ANGPTL3: variants seen among roughly 807,000 people sequenced by gnomAD.
The protein encoded by ANGPTL3 is angiopoietin like 3, also known as angiopoietin-related protein 3.
In ANGPTL3, 51 loss-of-function variants were observed where a neutral mutation model predicts 52.7. The ratio of observed to expected loss-of-function variants is 0.97; its 90% CI spans 0.77 to 1.22. ANGPTL3 has a LOEUF of 1.22. Among genes scored for constraint, ANGPTL3 ranks in the 50% most tolerant of loss-of-function variants. ANGPTL3 has a pLI of 0.00. For synonymous variants in ANGPTL3, 185 were observed against 179.8 expected (o/e 1.03, Z -0.23); for missense variants, 506 against 520.7 (o/e 0.97, Z 0.27).
At chr1:62,601,657 T>C in intron 3 of ANGPTL3, 112 bp from the exon 4 acceptor site, 1 of 733,070 alleles carries the variant, frequency 1.4e-6, no homozygotes, top group Non-Finnish European at 2.3e-6. Context: ...TAAACATTAC[T>C]GAAAAAATGC....
chr1:62,597,944 C>A lies in ANGPTL3; in HGVS notation c.378C>A (p.Ser126Arg). ...TTGAACTCAACTCAAAACTTGAAAG[C>A]CTCCTAGAAGAAAAAATTCTACTTC... ...MSLELNSKLESLLEEKILLQQ... is the reference protein window; with the variant it reads ...MSLELNSKLERLLEEKILLQQ... Residue 126 changes from serine to arginine, a missense_variant, in exon 1 of 7, where the codon AGC (serine) becomes AGA (arginine). Physicochemically the swap from Ser to Arg is moderately radical, Grantham distance 110. Transcript: ENST00000371129. 1 of 1,549,918 alleles carries A rather than the reference C, an allele frequency of 6.5e-7. No individual in the cohort carries two copies. Among genetic ancestry groups the A allele is most frequent in the South Asian group, 1.3e-5 (1 of 78,678 alleles).
chr1:62,603,492 G>C (rs536358900), intron 5 of ANGPTL3, among the ~76,000 whole-genome samples: 1 of 151,496 alleles, frequency 6.6e-6, no homozygotes, highest in African/African-American at 2.4e-5. Context: ...TTTCTACAAA[G>C]AAAGCATACA....
In ANGPTL3 at chr1:62,604,645, G is replaced by A. The variant is rs372985323; in HGVS notation, c.1211G>A (p.Trp404Ter). 1.5e-5 allele frequency: 24 copies of A among 1,612,992 alleles called. No homozygotes were observed. Among genetic ancestry groups the A allele is most frequent in the African/African-American group, 2.7e-5 (2 of 74,838 alleles). Residue 404 changes from tryptophan to a stop codon, truncating the protein, a stop_gained, in exon 7 of 7, where the codon TGG becomes TAG. Transcript: ENST00000371129. LOFTEE classifies it high-confidence loss of function. ...CPEGYSGGWW[W>*]HDECGENNLN... is the part of the protein sequence containing the mutation. Reference sequence around the variant, plus strand: ...CTATCTCCTTTAGGAGGCTGGTGGTGGCATGATGAGTGTGGAGAAAACAAC... The same window carrying A: ...CTATCTCCTTTAGGAGGCTGGTGGTAGCATGATGAGTGTGGAGAAAACAAC...
At position 62,597,815 on chromosome 1, in the gene ANGPTL3, T is replaced by G; in HGVS notation, c.249T>G (p.Tyr83Ter). The change falls in exon 1 of 7, where the codon TAT becomes TAG. Residue 83 changes from tyrosine (Y) to a stop codon, truncating the protein, a stop_gained. Coordinates refer to ENST00000371129, the MANE Select transcript of ANGPTL3 (RefSeq NM_014495.4). LOFTEE classifies it high-confidence loss of function. ...TCAACATATTTGATCAGTCTTTTTA[T>G]GATCTATCGCTGCAAACCAGTGAAA... ...QKLNIFDQSF[Y>*]DLSLQTSEIK... 1 of 1,613,188 alleles carries G rather than the reference T, an allele frequency of 6.2e-7. No homozygotes were observed. The highest frequency in any genetic ancestry group is 8.5e-7 in the Non-Finnish European group (1 of 1,179,508).
chr1:62,597,764 C>T lies in ANGPTL3; in HGVS notation c.198C>T (p.Gly66=), dbSNP rs779071619. 6.2e-7 allele frequency: 1 copy of T among 1,613,368 alleles called. No homozygotes were observed. The highest frequency in any genetic ancestry group is 1.1e-5 in the South Asian group (1 of 91,040). The change falls in exon 1 of 7, where the codon GGC becomes GGT. Residue 66 remains glycine (G), a synonymous_variant. Transcript: ENST00000371129. ...AAGACTTTGTCCATAAGACGAAGGGCCAAATTAATGACATATTTCAAAAAC... is the reference window on the plus strand; with the variant it reads ...AAGACTTTGTCCATAAGACGAAGGGTCAAATTAATGACATATTTCAAAAAC... ...GLKDFVHKTK[G]QINDIFQKLN...
intron 1 of ANGPTL3, 121 bp from the exon 2 acceptor site, chr1:62,598,575 G>C (rs1649634772): frequency 1.5e-6 from 1 of 673,362 alleles, no homozygotes; most frequent in Non-Finnish European, 2.7e-6. Context: ...GGAAGGAATT[G>C]CCAATATTCA....
At position 62,605,121 on chromosome 1, in the gene ANGPTL3, A is replaced by G. The variant is rs1433354956; in HGVS notation, c.*304A>G. The G allele has an allele frequency of 4.0e-6, 1 of 251,584 alleles. No individual in the cohort carries two copies. The highest frequency in any genetic ancestry group is 7.7e-6 in the Non-Finnish European group (1 of 129,652). The allele number at this position is 251,584 out of a possible 1,614,324, so 15.6% of individuals were successfully genotyped here. ...AACTTATTAAATAACTTTTCTAAATAAAAAATTTAGAGACTTTTATTTTAA... is the reference window on the plus strand; with the variant it reads ...AACTTATTAAATAACTTTTCTAAATGAAAAATTTAGAGACTTTTATTTTAA... On this transcript the variant is annotated 3_prime_UTR_variant, in exon 7 of 7. Coordinates refer to ENST00000371129, the MANE Select transcript of ANGPTL3 (RefSeq NM_014495.4).
intron 2 of ANGPTL3, among the ~76,000 whole-genome samples, chr1:62,599,346 T>C (rs1442895971): frequency 6.6e-6 from 1 of 152,028 alleles, no homozygotes. Flanking sequence ...TGGAACGCTC[T>C]TCTGCCCTGG....
In ANGPTL3 at chr1:62,604,251, A is replaced by G. The variant is rs145059351; in HGVS notation, c.1198+16A>G. 307 of 1,612,200 alleles carry G rather than the reference A, an allele frequency of 1.9e-4. 1 individual carries two copies. The African/African-American group carries it at 3.9e-3, about 20-fold the overall frequency. On this transcript the variant is annotated intron_variant, in intron 6 of 6. Transcript: ENST00000371129. ...GGTTATTCAGGTATCTTTTTCTGAT[A>G]CCAATACTTTATTTTCATATCTTCA...
At chr1:62,603,799 A>G (rs1353874409) in intron 5 of ANGPTL3, among the ~76,000 whole-genome samples, 170 bp from the exon 6 acceptor site, 1 of 151,908 alleles carries the variant, frequency 6.6e-6, no homozygotes, top group Non-Finnish European at 1.5e-5. Flanking sequence ...GCACATAGCT[A>G]TCTTCAATAA....
At position 62,604,116 on chromosome 1, in the gene ANGPTL3, T is replaced by C. The variant is rs763104631; in HGVS notation, c.1079T>C (p.Leu360Pro). Residue 360 changes from leucine to proline, a missense_variant, in exon 6 of 7, where the codon CTA becomes CCA. Leu to Pro is a moderately conservative substitution (Grantham distance 98, BLOSUM62 -3). Transcript: ENST00000371129. ...YLGNHETNYT[L>P]HLVAITGNVP... is the part of the protein sequence containing the mutation. ...GGAAATCACGAAACCAACTATACGC[T>C]ACATCTAGTTGCGATTACTGGCAAT... The C allele has an allele frequency of 2.5e-6, 4 of 1,613,394 alleles. No individual in the cohort carries two copies. The highest frequency in any genetic ancestry group is 1.7e-5 in the Admixed American group (1 of 59,958).
Position 62,597,823 on chromosome 1 carries a change from C to G in ANGPTL3, c.257C>G (p.Ser86Trp), listed in dbSNP as rs754336412. 1 of 1,609,760 alleles carries G rather than the reference C, an allele frequency of 6.2e-7. No homozygotes were observed. The highest frequency in any genetic ancestry group is 8.5e-7 in the Non-Finnish European group (1 of 1,178,250). The change falls in exon 1 of 7, where the codon TCG (serine) becomes TGG (tryptophan). Residue 86 changes from serine (S) to tryptophan (W), a missense_variant. Ser to Trp is a radical substitution (Grantham distance 177, BLOSUM62 -3). Transcript: ENST00000371129. ...TTTGATCAGTCTTTTTATGATCTAT[C>G]GCTGCAAACCAGTGAAATCAAAGAA... ...NIFDQSFYDLSLQTSEIKEEE... is the reference protein window; with the variant it reads ...NIFDQSFYDLWLQTSEIKEEE...
In ANGPTL3 at chr1:62,597,547, A is replaced by C; in HGVS notation, c.-20A>C. 1 of 1,611,944 alleles carries C rather than the reference A, an allele frequency of 6.2e-7. No individual in the cohort carries two copies. Among genetic ancestry groups the C allele is most frequent in the Non-Finnish European group, 8.5e-7 (1 of 1,178,912 alleles). On this transcript the variant is annotated 5_prime_UTR_variant, in exon 1 of 7. Transcript: ENST00000371129. Reference sequence around the variant, plus strand: ...AAGAAAACAGTTCCACGTTGCTTGAAATTGAAAATCAAGATAAAAATGTTC... The same window carrying C: ...AAGAAAACAGTTCCACGTTGCTTGACATTGAAAATCAAGATAAAAATGTTC...
In ANGPTL3 at chr1:62,602,345, G is replaced by C. The variant is rs1192056487; in HGVS notation, c.896G>C (p.Trp299Ser). 1 of 1,610,818 alleles carries C rather than the reference G, an allele frequency of 6.2e-7. No homozygotes were observed. Among genetic ancestry groups the C allele is most frequent in the Admixed American group, 1.7e-5 (1 of 59,880 alleles). ...GGATCACAAAACTTCAATGAAACGT[G>C]GGAGAACTACAAATATGGTTTTGGG... ...IDGSQNFNET[W>S]ENYKYGFGRL... Residue 299 changes from tryptophan to serine, a missense_variant, in exon 5 of 7, where the codon TGG (tryptophan) becomes TCG (serine). Physicochemically the swap from Trp to Ser is radical, Grantham distance 177 (BLOSUM62 -3). Transcript: ENST00000371129.
rs755889096 is a variant in ANGPTL3, at chr1:62,597,962, T to C, written c.396T>C (p.Ile132=). 3 of 1,556,632 alleles carry C rather than the reference T, an allele frequency of 1.9e-6. No individual in the cohort carries two copies. The highest frequency in any genetic ancestry group is 2.6e-6 in the Non-Finnish European group (3 of 1,160,278). ...TTGAAAGCCTCCTAGAAGAAAAAAT[T>C]CTACTTCAACAAAAAGTGAAATATT... ...SKLESLLEEK[I]LLQQKVKYLE... Residue 132 remains isoleucine, a synonymous_variant, in exon 1 of 7, where the codon ATT becomes ATC. Coordinates refer to ENST00000371129, the MANE Select transcript of ANGPTL3 (RefSeq NM_014495.4).
chr1:62,604,158 C>T lies in ANGPTL3; in HGVS notation c.1121C>T (p.Pro374Leu), dbSNP rs377241107. Residue 374 changes from proline (P) to leucine (L), a missense_variant, in exon 6 of 7, where the codon CCG (proline) becomes CTG (leucine). Transcript: ENST00000371129. ...ACTGGCAATGTCCCCAATGCAATCCCGGAAAACAAAGATTTGGTGTTTTCT... is the reference window on the plus strand; with the variant it reads ...ACTGGCAATGTCCCCAATGCAATCCTGGAAAACAAAGATTTGGTGTTTTCT... ...AITGNVPNAI[P>L]ENKDLVFSTW... The T allele has an allele frequency of 1.5e-5, 25 of 1,613,062 alleles. No individual in the cohort carries two copies. The highest frequency in any genetic ancestry group is 1.1e-4 in the African/African-American group (8 of 74,812).
intron 2 of ANGPTL3, 24 bp downstream of exon 2, chr1:62,598,830 G>T (rs752424288): frequency 7.2e-7 from 1 of 1,391,504 alleles, no homozygotes; most frequent in African/African-American, 1.4e-5. Flanking sequence ...TTAATGGTAT[G>T]TCCCATCTTT....
intron 4 of ANGPTL3, 119 bp from the exon 5 acceptor site, chr1:62,602,166 A>G: frequency 1.2e-6 from 1 of 810,742 alleles, no homozygotes; most frequent in Non-Finnish European, 2.0e-6. Context: ...ATGTATTGCC[A>G]TAACATTAAT....
At chr1:62,601,308 A>G in intron 3 of ANGPTL3, 112 bp downstream of exon 3, 1 of 783,538 alleles carries the variant, frequency 1.3e-6, no homozygotes, top group Non-Finnish European at 2.2e-6. Context: ...AATACAATGT[A>G]TCAACCTAAA....
Sources: gnomAD v4.1 joint callset for allele counts (sites outside exome capture counted in the v4.1 genomes callset) on GRCh38, gnomAD v4.1.1 for gene constraint, MANE v1.5 for transcripts, NCBI Gene and HGNC (gene_info 2026-07-23, HGNC 2026-07-21) for gene names.